Variants in MAP3K3 observed in about 807,000 individuals in gnomAD.
The protein encoded by MAP3K3 is MAP/ERK kinase kinase 3.
MAP3K3 carries 12 observed loss-of-function variants against 80.9 expected under a neutral mutation model. That is an observed-to-expected ratio of 0.15 (90% CI 0.10 to 0.24). The LOEUF (loss-of-function observed/expected upper bound fraction) is 0.24. Among genes scored for constraint, MAP3K3 ranks in the 10% least tolerant of loss-of-function variants. The pLI, the probability that MAP3K3 is intolerant of heterozygous loss-of-function variation, is 1.00. For synonymous variants in MAP3K3, 272 were observed against 307.1 expected, an observed-to-expected ratio of 0.89 and a Z score of 1.19; for missense variants, 596 against 834.7, an observed-to-expected ratio of 0.71 and a Z score of 3.52.
intron 6 of MAP3K3, among the ~76,000 whole-genome samples, chr17:63,673,407 C>CA (rs35537012): frequency 0.28 from 41,673 of 151,336 alleles, 6,087 homozygotes; most frequent in Middle Eastern, 0.37. Context: ...CAGAAACAAA[C>CA]AAAAAAAACC....
At chr17:63,690,554 C>G (rs2035564433) in intron 12 of MAP3K3, 142 bp downstream of exon 12, 1 of 896,604 alleles carries the variant, frequency 1.1e-6, no homozygotes, top group African/African-American at 1.7e-5. Context: ...ATCCTGGTCC[C>G]AGCCACAGGG....
intron 7 of MAP3K3, among the ~76,000 whole-genome samples, chr17:63,683,394 T>C (rs1312016603): frequency 1.3e-5 from 2 of 152,196 alleles, no homozygotes; most frequent in African/African-American, 4.8e-5. Context: ...CATCAGCTGT[T>C]CTAGGGGTGA....
intron 2 of MAP3K3, chr17:63,634,873 T>A: frequency 7.7e-7 from 1 of 1,304,218 alleles, no homozygotes; most frequent in Non-Finnish European, 1.1e-6. Context: ...AACAGCAGAA[T>A]TCACTTCCCA....
chr17:63,678,700 A>G lies in MAP3K3; in HGVS notation c.503-3066A>G, dbSNP rs944681461. 4.6e-5 allele frequency among the ~76,000 whole-genome samples: 7 copies of G among 152,326 alleles called. No individual in the cohort carries two copies. In the East Asian group the frequency reaches 1.4e-3, roughly 30 times the overall value. ...TATTCAGCACAACCACATGAACCAT[A>G]TGTTCTGAACAACTGACTTAATATA... On this transcript the variant is annotated intron_variant, in intron 6 of 15. Coordinates refer to ENST00000361733, the MANE Select transcript of MAP3K3 (RefSeq NM_002401.5).
At chr17:63,680,774 A>T (rs1158183341) in intron 6 of MAP3K3, among the ~76,000 whole-genome samples, 1 of 151,530 alleles carries the variant, frequency 6.6e-6, no homozygotes, top group African/African-American at 2.4e-5. Flanking sequence ...TATCTGTAAA[A>T]CATAAATAAT....
Position 63,622,688 on chromosome 17 carries a change from G to T in MAP3K3, c.-72G>T. 2.4e-6 allele frequency: 1 copy of T among 414,200 alleles called. No individual in the cohort carries two copies. The allele number at this position is 414,200 out of a possible 1,614,324, so 25.7% of individuals were successfully genotyped here. A position where few individuals can be genotyped will look rare whatever the true frequency, so the allele number is the denominator to read the frequency against. ...GCCCGCTGCCGTCCCCGCCGCCCGGGCCCCCGGCATGCAGCCCCGGCTGCG... is the reference window on the plus strand; with the variant it reads ...GCCCGCTGCCGTCCCCGCCGCCCGGTCCCCCGGCATGCAGCCCCGGCTGCG... On this transcript the variant is annotated 5_prime_UTR_variant, in exon 1 of 16. Coordinates refer to ENST00000361733, the MANE Select transcript of MAP3K3 (RefSeq NM_002401.5).
At chr17:63,645,278 G>T (rs995106079) in intron 2 of MAP3K3, among the ~76,000 whole-genome samples, 1 of 152,080 alleles carries the variant, frequency 6.6e-6, no homozygotes, top group African/African-American at 2.4e-5. Context: ...ACTCCAACCT[G>T]GGTGACAGAG....
At position 63,689,893 on chromosome 17, in the gene MAP3K3, C is replaced by T; in HGVS notation, c.1063+158C>T. 1.5e-6 allele frequency: 1 copy of T among 676,028 alleles called. No homozygotes were observed. Among genetic ancestry groups the T allele is most frequent in the Non-Finnish European group, 2.4e-6 (1 of 408,316 alleles). 41.9% of individuals were successfully genotyped at this position (676,028 alleles called of 1,614,324 possible). On this transcript the variant is annotated intron_variant, in intron 11 of 15. Coordinates refer to ENST00000361733, the MANE Select transcript of MAP3K3 (RefSeq NM_002401.5). This position sits in a 1 kb window ranked among gnomAD's most constrained non-coding sequence, Gnocchi z 4.3. ...AAGCCTTGGAGTGTCTGAAGCCTGG[C>T]TCCACTATTGTGTGACAAGCCTCTT...
chr17:63,627,291 C>T (rs1169771674), intron 1 of MAP3K3, among the ~76,000 whole-genome samples: 1 of 152,162 alleles, frequency 6.6e-6, no homozygotes, highest in Non-Finnish European at 1.5e-5. Context: ...AGATTCTTAA[C>T]CTCTTAATCT....
chr17:63,673,080 C>G (rs2035143235), intron 6 of MAP3K3, among the ~76,000 whole-genome samples: 1 of 152,164 alleles, frequency 6.6e-6, no homozygotes, highest in Non-Finnish European at 1.5e-5. Context: ...AGCAAGCAGG[C>G]TACTCAGTTC....
intron 2 of MAP3K3, among the ~76,000 whole-genome samples, chr17:63,645,612 C>G (rs1235926695): frequency 6.6e-6 from 1 of 152,238 alleles, no homozygotes; most frequent in South Asian, 2.1e-4. Flanking sequence ...GGATAAGTAA[C>G]TTGCCTGTGG....
chr17:63,652,804 G>C, intron 4 of MAP3K3, 148 bp downstream of exon 4: 2 of 611,548 alleles, frequency 3.3e-6, no homozygotes, highest in Non-Finnish European at 5.8e-6. Flanking sequence ...TCCAACAACT[G>C]TGGGATCTCT....
In MAP3K3 at chr17:63,693,619, G is replaced by A. The variant is rs757626698; in HGVS notation, c.1723G>A (p.Ala575Thr). 3.1e-6 allele frequency: 5 copies of A among 1,609,670 alleles called. No individual in the cohort carries two copies. Among genetic ancestry groups the A allele is most frequent in the South Asian group, 1.1e-5 (1 of 90,708 alleles). The change falls in exon 16 of 16, where the codon GCC becomes ACC. Residue 575 changes from alanine to threonine, a missense_variant. Around this residue, in one of 2 missense-constraint regions of MAP3K3, gnomAD observed 364 missense variants for 588.9 expected, o/e 0.62. Transcript: ENST00000361733. This position sits in a 1 kb window ranked among gnomAD's most constrained non-coding sequence, Gnocchi z 4.2. ...GTGGGCAGAGTATGAAGCTATGGCC[G>A]CCATCTTCAAGATTGCCACCCAGCC... ...PPWAEYEAMA[A>T]IFKIATQPTN... is the part of the protein sequence containing the mutation.
Position 63,689,468 on chromosome 17 carries a change from C to T in MAP3K3, c.872-76C>T. 7.4e-7 allele frequency: 1 copy of T among 1,350,136 alleles called. No homozygotes were observed. The highest frequency in any genetic ancestry group is 1.0e-6 in the Non-Finnish European group (1 of 983,744). 83.6% of individuals were successfully genotyped at this position (1,350,136 alleles called of 1,614,324 possible). ...TATTCCGCCTTGTAGCCCGGGGTGT[C>T]TCAGACCTGGTTTGTACGTTCCGCC... On this transcript the variant is annotated intron_variant, in intron 10 of 15. Coordinates refer to ENST00000361733, the MANE Select transcript of MAP3K3 (RefSeq NM_002401.5). The surrounding 1 kb of genome is among the most constrained non-coding windows in gnomAD (Gnocchi z 4.3).
At chr17:63,664,014 G>A (rs933326182) in intron 5 of MAP3K3, among the ~76,000 whole-genome samples, 46 of 151,888 alleles carry the variant, frequency 3.0e-4, no homozygotes, top group Admixed American at 2.9e-3. Flanking sequence ...AGGCCGAGGC[G>A]GGCGGATCAC....
At position 63,693,697 on chromosome 17, in the gene MAP3K3, A is replaced by G; in HGVS notation, c.1801A>G (p.Arg601Gly). Residue 601 changes from arginine to glycine, a missense_variant, in exon 16 of 16, where the codon AGG (arginine) becomes GGG (glycine). By Grantham distance (125) the Arg-to-Gly change is moderately radical. Around this residue, in one of 2 missense-constraint regions of MAP3K3, gnomAD observed 364 missense variants for 588.9 expected, o/e 0.62. Coordinates refer to ENST00000361733, the MANE Select transcript of MAP3K3 (RefSeq NM_002401.5). The surrounding 1 kb of genome is among the most constrained non-coding windows in gnomAD (Gnocchi z 4.2). Reference sequence around the variant, plus strand: ...CTCTGAACATGGCCGGGACTTCCTGAGGCGCATTTTTGTGGAGGCTCGCCA... The same window carrying G: ...CTCTGAACATGGCCGGGACTTCCTGGGGCGCATTTTTGTGGAGGCTCGCCA... Reference protein sequence around the residue: ...HISEHGRDFLRRIFVEARQRP... With the variant: ...HISEHGRDFLGRIFVEARQRP... The G allele has an allele frequency of 6.2e-7, 1 of 1,605,930 alleles. No individual in the cohort carries two copies. Among genetic ancestry groups the G allele is most frequent in the South Asian group, 1.1e-5 (1 of 90,552 alleles).
At chr17:63,667,403 T>C (rs1190400630) in intron 6 of MAP3K3, among the ~76,000 whole-genome samples, 1 of 152,232 alleles carries the variant, frequency 6.6e-6, no homozygotes, top group Non-Finnish European at 1.5e-5. Context: ...ACTTGTAAAG[T>C]TAGGAATCGG....
chr17:63,641,272 T>A (rs1380646966), intron 2 of MAP3K3, among the ~76,000 whole-genome samples: 1 of 151,680 alleles, frequency 6.6e-6, no homozygotes, highest in African/African-American at 2.4e-5. Flanking sequence ...AGATGGAGTC[T>A]TGTTCTGTCA....
chr17:63,696,004 C>T lies in MAP3K3; in HGVS notation c.*2227C>T, dbSNP rs770948105. ...TTCTGAAGGGCAGTTCCTGGCAGCC[C>T]CAGGCTTGCTGTGGGAAGGGGCCGT... On this transcript the variant is annotated 3_prime_UTR_variant, in exon 16 of 16. Coordinates refer to ENST00000361733, the MANE Select transcript of MAP3K3 (RefSeq NM_002401.5). 2.6e-5 allele frequency: 4 copies of T among 152,570 alleles called. No homozygotes were observed. Among genetic ancestry groups the T allele is most frequent in the Admixed American group, 2.0e-4 (3 of 15,278 alleles). The allele number at this position is 152,570 out of a possible 1,614,324, so 9.5% of individuals were successfully genotyped here. A position where few individuals can be genotyped will look rare whatever the true frequency, so the allele number is the denominator to read the frequency against.
Sources: gnomAD v4.1 joint callset for allele counts (sites outside exome capture counted in the v4.1 genomes callset) on GRCh38, gnomAD v4.1.1 for gene constraint, gnomAD v4.1.1 regional missense constraint, Gnocchi (gnomAD v3.1) non-coding constraint, MANE v1.5 for transcripts, NCBI Gene and HGNC (gene_info 2026-07-23, HGNC 2026-07-21) for gene names.